Variants in TMED2 observed in about 807,000 individuals in gnomAD.
TMED2 encodes the protein transmembrane p24 trafficking protein 2.
TMED2 carries 3 observed loss-of-function variants against 17.5 expected under a neutral mutation model. The observed-to-expected ratio is 0.17, with a 90% confidence interval of 0.08 to 0.44. The LOEUF (loss-of-function observed/expected upper bound fraction) is 0.44. TMED2 is among the 20% of genes least tolerant of loss of function. The pLI is 0.99. For synonymous variants in TMED2, 95 were observed against 91.0 expected, an observed-to-expected ratio of 1.04 and a Z score of -0.25; for missense variants, 149 against 254.8, an observed-to-expected ratio of 0.58 and a Z score of 2.83.
chr12:123,585,234 C>G lies in TMED2; in HGVS notation c.180+418C>G, dbSNP rs1322197758. 1.0e-4 allele frequency: 17 copies of G among 164,722 alleles called. 1 individual carries two copies. The highest frequency in any genetic ancestry group is 2.1e-4 in the Non-Finnish European group (16 of 75,224). 10.2% of individuals were successfully genotyped at this position (164,722 alleles called of 1,614,324 possible). A position where few individuals can be genotyped will look rare whatever the true frequency, so the allele number is the denominator to read the frequency against. On this transcript the variant is annotated intron_variant, in intron 1 of 3. Coordinates refer to ENST00000262225, the MANE Select transcript of TMED2 (RefSeq NM_006815.4). ...TTCGTGTTACGGATTAATGCTGGAA[C>G]GTGGCACGGAAACTTTTCCAAAAAA...
intron 3 of TMED2, among the ~76,000 whole-genome samples, chr12:123,594,409 C>T (rs1953415395): frequency 6.6e-6 from 1 of 151,924 alleles, no homozygotes; most frequent in South Asian, 2.1e-4. Flanking sequence ...GCTGGGATTA[C>T]AGGCATGAGC....
chr12:123,593,614 C>T (rs546184160), intron 3 of TMED2, among the ~76,000 whole-genome samples: 5 of 152,134 alleles, frequency 3.3e-5, no homozygotes, highest in South Asian at 2.1e-4. Flanking sequence ...CTCTGCTCCC[C>T]GTATACAAGC....
chr12:123,592,767 A>G (rs1953402708), intron 3 of TMED2, among the ~76,000 whole-genome samples: 1 of 152,208 alleles, frequency 6.6e-6, no homozygotes. Context: ...CCAGGTCACT[A>G]CATTCTGATG....
chr12:123,591,652 C>T (rs1454034552), intron 3 of TMED2, among the ~76,000 whole-genome samples: 5 of 152,068 alleles, frequency 3.3e-5, no homozygotes, highest in South Asian at 2.1e-4. Context: ...CATGGTGGCA[C>T]GCGCCTGTAG....
chr12:123,592,671 T>C (rs1241307363), intron 3 of TMED2, among the ~76,000 whole-genome samples: 1 of 152,224 alleles, frequency 6.6e-6, no homozygotes, highest in Non-Finnish European at 1.5e-5. Flanking sequence ...GCAGTGAACA[T>C]AATGAGATCC....
chr12:123,594,524 G>T (rs1953416093), intron 3 of TMED2, among the ~76,000 whole-genome samples: 1 of 152,174 alleles, frequency 6.6e-6, no homozygotes. Flanking sequence ...TTCTGAGCCT[G>T]AGGCAGGAGG....
rs751736555 is a variant in TMED2 at position 123,596,596 on chromosome 12, C to T, written c.482-9C>T. On this transcript the variant is annotated splice_polypyrimidine_tract_variant and intron_variant, in intron 3 of 3. Coordinates refer to ENST00000262225, the MANE Select transcript of TMED2 (RefSeq NM_006815.4). ...GTTAAATTTTGTTTGTTTGTTTTGT[C>T]CTCAACAGTCAACGACAACACAAAC... 6.3e-7 allele frequency: 1 copy of T among 1,591,716 alleles called. No homozygotes were observed. The highest frequency in any genetic ancestry group is 2.3e-5 in the East Asian group (1 of 44,320).
In TMED2 at chr12:123,590,519, AT is replaced by A. The variant is rs1364149514; in HGVS notation, c.481+74del. 2.3e-6 allele frequency: 3 copies of A among 1,299,978 alleles called. No individual in the cohort carries two copies. The Admixed American group carries it at 8.0e-5, about 35-fold the overall frequency. The allele number at this position is 1,299,978 out of a possible 1,614,324, so 80.5% of individuals were successfully genotyped here. On this transcript the variant is annotated intron_variant, in intron 3 of 3. Coordinates refer to ENST00000262225, the MANE Select transcript of TMED2 (RefSeq NM_006815.4). ...TTGTTTTACTCAACAGCTTGCTCGT[AT>A]TTTCCTCATTTGGAAACTTTGCAAA...
chr12:123,596,261 G>A (rs968890546), intron 3 of TMED2, among the ~76,000 whole-genome samples: 2 of 152,258 alleles, frequency 1.3e-5, no homozygotes, highest in South Asian at 4.1e-4. Context: ...GCAGTTTAAC[G>A]TGTATGAGAT....
At chr12:123,584,909 G>T in intron 1 of TMED2, 93 bp downstream of exon 1, 1 of 1,485,678 alleles carries the variant, frequency 6.7e-7, no homozygotes, top group East Asian at 2.3e-5. Flanking sequence ...TGTGGGGAGT[G>T]GGCTTGGAAG....
intron 2 of TMED2, among the ~76,000 whole-genome samples, chr12:123,589,460 C>G (rs1174921626): frequency 6.6e-6 from 1 of 152,142 alleles, no homozygotes; most frequent in Non-Finnish European, 1.5e-5. Context: ...GTCCCCTCTC[C>G]TCAGTGTTTT....
chr12:123,597,947 AC>A lies in TMED2; in HGVS notation c.*1220del, dbSNP rs1180892806. ...TTACAGGTTTTCATGTTCAGGATAAACCATACTTCCACCTTGGGTGAGAACA... is the reference window on the plus strand; with the variant it reads ...TTACAGGTTTTCATGTTCAGGATAAACATACTTCCACCTTGGGTGAGAACA... On this transcript the variant is annotated 3_prime_UTR_variant, in exon 4 of 4. Coordinates refer to ENST00000262225, the MANE Select transcript of TMED2 (RefSeq NM_006815.4). The A allele has an allele frequency of 6.6e-6, 1 of 152,414 alleles. No homozygotes were observed. Among genetic ancestry groups the A allele is most frequent in the African/African-American group, 2.4e-5 (1 of 41,350 alleles). The allele number at this position is 152,414 out of a possible 1,614,324, so 9.4% of individuals were successfully genotyped here. A position where few individuals can be genotyped will look rare whatever the true frequency, so the allele number is the denominator to read the frequency against.
chr12:123,594,553 C>G (rs193135309), intron 3 of TMED2, among the ~76,000 whole-genome samples: 178 of 152,028 alleles, frequency 1.2e-3, no homozygotes, highest in African/African-American at 4.0e-3. Context: ...AGGTCAGGAG[C>G]TTGAGACCAA....
At chr12:123,589,323 T>C (rs1044546582) in intron 2 of TMED2, among the ~76,000 whole-genome samples, 3 of 152,270 alleles carry the variant, frequency 2.0e-5, no homozygotes, top group Non-Finnish European at 4.4e-5. Context: ...TCTGCTCAGC[T>C]TTATAGAGAT....
intron 3 of TMED2, among the ~76,000 whole-genome samples, chr12:123,592,182 G>C (rs1226685353): frequency 6.6e-6 from 1 of 152,168 alleles, no homozygotes; most frequent in African/African-American, 2.4e-5. Flanking sequence ...AATTACTCCA[G>C]CCTCTTGCCT....
At chr12:123,586,618 G>A in intron 1 of TMED2, 129 bp from the exon 2 acceptor site, 1 of 923,172 alleles carries the variant, frequency 1.1e-6, no homozygotes, top group Non-Finnish European at 1.5e-6. Context: ...CCAAAGTGCT[G>A]TGATTACAGG....
intron 2 of TMED2, among the ~76,000 whole-genome samples, chr12:123,587,328 A>ATGTT (rs775241514): frequency 3.5e-4 from 54 of 152,224 alleles, no homozygotes; most frequent in Non-Finnish European, 4.1e-4. Context: ...GGGTTTCACC[A>ATGTT]TGTTGGCCAG....
At position 123,597,236 on chromosome 12, in the gene TMED2, A is replaced by T. The variant is rs1043179911; in HGVS notation, c.*507A>T. 6 of 152,232 alleles carry T rather than the reference A, an allele frequency of 3.9e-5. No homozygotes were observed. The highest frequency in any genetic ancestry group is 5.9e-5 in the Non-Finnish European group (4 of 68,066). 9.4% of individuals were successfully genotyped at this position (152,232 alleles called of 1,614,324 possible). On this transcript the variant is annotated 3_prime_UTR_variant, in exon 4 of 4. Coordinates refer to ENST00000262225, the MANE Select transcript of TMED2 (RefSeq NM_006815.4). The stretch of plus-strand genomic sequence containing the variant: ...TGGCAGAGCTCTCTGACTTGGGTGT[A>T]TGCTGCCAGGCTGGGTACTTTCATA...
chr12:123,590,597 G>T, intron 3 of TMED2, 148 bp downstream of exon 3: 1 of 537,012 alleles, frequency 1.9e-6, no homozygotes. Context: ...GATATTTTTT[G>T]AGCATACACA....
Sources: gnomAD v4.1 joint callset for allele counts (sites outside exome capture counted in the v4.1 genomes callset) on GRCh38, gnomAD v4.1.1 for gene constraint, MANE v1.5 for transcripts, NCBI Gene and HGNC (gene_info 2026-07-23, HGNC 2026-07-21) for gene names.